PDE1A: variants seen among roughly 807,000 people sequenced by gnomAD.
PDE1A encodes the protein phosphodiesterase 1A.
Under a neutral mutation model 61.7 loss-of-function variants are expected in PDE1A, and 35 were observed. That is an observed-to-expected ratio of 0.57 (90% CI 0.43 to 0.75). The LOEUF (loss-of-function observed/expected upper bound fraction) is 0.75. PDE1A is among the 30% of genes least tolerant of loss of function. PDE1A has a pLI of 0.00. For missense variants in PDE1A, 597 were observed against 630.6 expected, an observed-to-expected ratio of 0.95 and a Z score of 0.57; for synonymous variants, 232 against 213.2, an observed-to-expected ratio of 1.09 and a Z score of -0.77.
At chr2:182,305,989 C>A (rs1026838247) in intron 1 of PDE1A, among the ~76,000 whole-genome samples, 1 of 151,986 alleles carries the variant, frequency 6.6e-6, no homozygotes, top group Non-Finnish European at 1.5e-5. Context: ...AAATTTATTT[C>A]TCTTATTTAA....
At chr2:182,359,796 T>C (rs1449151889) in intron 1 of PDE1A, among the ~76,000 whole-genome samples, 16 of 152,100 alleles carry the variant, frequency 1.1e-4, no homozygotes, top group Non-Finnish European at 2.1e-4. Flanking sequence ...TTCATAAACC[T>C]TCCTGTCTGA....
intron 2 of PDE1A, among the ~76,000 whole-genome samples, chr2:182,503,597 G>A (rs1488906566): frequency 2.6e-5 from 4 of 151,830 alleles, no homozygotes; most frequent in African/African-American, 4.8e-5. Flanking sequence ...GCTTCCCTCC[G>A]CACACCAAGG....
intron 2 of PDE1A, among the ~76,000 whole-genome samples, chr2:182,450,784 A>G (rs542024055): frequency 1.0e-3 from 139 of 135,562 alleles, no homozygotes; most frequent in African/African-American, 3.5e-3. Context: ...AGACACAAAG[A>G]AAAAAAAAAA....
chr2:182,271,491 G>A (rs938608357), intron 1 of PDE1A, among the ~76,000 whole-genome samples: 1 of 152,002 alleles, frequency 6.6e-6, no homozygotes, highest in African/African-American at 2.4e-5. Flanking sequence ...ACTTCAAGAG[G>A]TATTAACTTT....
At chr2:182,531,404 C>T in the PDE1A span, among the ~76,000 whole-genome samples, 2 of 147,268 alleles carry the variant, frequency 1.4e-5, no homozygotes, top group Non-Finnish European at 3.0e-5. Flanking sequence ...CATAATAATA[C>T]TAACCAAATG....
the PDE1A span, among the ~76,000 whole-genome samples, chr2:182,629,179 G>C: frequency 1.3e-5 from 2 of 152,152 alleles, no homozygotes; most frequent in Admixed American, 1.3e-4. Context: ...GCTTGGAAAA[G>C]GATCCTGAGC....
chr2:182,546,813 G>C, the PDE1A span, among the ~76,000 whole-genome samples: 1 of 152,122 alleles, frequency 6.6e-6, no homozygotes, highest in Non-Finnish European at 1.5e-5. Flanking sequence ...GGGTGTTGTA[G>C]AATTGAACTG....
chr2:182,567,474 T>C, the PDE1A span, among the ~76,000 whole-genome samples: 1 of 152,200 alleles, frequency 6.6e-6, no homozygotes, highest in Admixed American at 6.5e-5. Flanking sequence ...TCTTTACTCA[T>C]TTAGACATGA....
intron 1 of PDE1A, among the ~76,000 whole-genome samples, chr2:182,345,980 A>T (rs1336294772): frequency 6.6e-6 from 1 of 152,226 alleles, no homozygotes; most frequent in African/African-American, 2.4e-5. Context: ...AAGTCAAATG[A>T]AGTAACACGA....
chr2:182,690,623 A>T, the PDE1A span, among the ~76,000 whole-genome samples: 487 of 152,338 alleles, frequency 3.2e-3, 1 homozygote, highest in African/African-American at 0.011. Context: ...CTGGCACAAG[A>T]CAGGGATGCC....
the PDE1A span, among the ~76,000 whole-genome samples, chr2:182,615,832 C>G: frequency 6.6e-6 from 1 of 152,078 alleles, no homozygotes; most frequent in Non-Finnish European, 1.5e-5. Flanking sequence ...CAAACTCATC[C>G]TTTTATCAGA....
chr2:182,549,620 T>C, the PDE1A span, among the ~76,000 whole-genome samples: 1 of 152,114 alleles, frequency 6.6e-6, no homozygotes, highest in East Asian at 1.9e-4. Flanking sequence ...AATCATTCAC[T>C]ATAAGTAAAG....
chr2:182,679,636 C>T, the PDE1A span, among the ~76,000 whole-genome samples: 1 of 152,012 alleles, frequency 6.6e-6, no homozygotes, highest in East Asian at 1.9e-4. Context: ...GTAAAATCCT[C>T]CGTGAGAAAA....
chr2:182,394,150 G>A (rs974703777), intron 1 of PDE1A, among the ~76,000 whole-genome samples: 3 of 151,968 alleles, frequency 2.0e-5, no homozygotes, highest in Admixed American at 6.6e-5. Flanking sequence ...CCATTCTCAC[G>A]CTGCTAATAA....
intron 13 of PDE1A, among the ~76,000 whole-genome samples, chr2:182,172,412 T>C (rs1378683325): frequency 2.6e-5 from 4 of 152,050 alleles, no homozygotes; most frequent in African/African-American, 9.7e-5. Flanking sequence ...GTTCTCAACC[T>C]TTTATCAAAA....
chr2:182,370,318 T>C (rs1042741507), intron 1 of PDE1A, among the ~76,000 whole-genome samples: 1 of 152,216 alleles, frequency 6.6e-6, no homozygotes, highest in Non-Finnish European at 1.5e-5. Context: ...ATAGGTCGCA[T>C]GCCTAATGGA....
At chr2:182,644,960 C>T in the PDE1A span, among the ~76,000 whole-genome samples, 1 of 151,244 alleles carries the variant, frequency 6.6e-6, no homozygotes, top group African/African-American at 2.4e-5. Flanking sequence ...ATTTCTGCTT[C>T]CTCAAGCATG....
At chr2:182,206,975 C>T (rs1687158671) in intron 7 of PDE1A, among the ~76,000 whole-genome samples, 1 of 152,172 alleles carries the variant, frequency 6.6e-6, no homozygotes, top group Middle Eastern at 3.2e-3. Flanking sequence ...GTTAATCAAA[C>T]CTCTTTTCTT....
chr2:182,508,776 T>C (rs546640324), intron 2 of PDE1A, among the ~76,000 whole-genome samples: 1 of 149,480 alleles, frequency 6.7e-6, no homozygotes, highest in Admixed American at 6.6e-5. Context: ...AGCTTGTTGA[T>C]TATTTTTATT....
Sources: allele counts gnomAD v4.1 joint callset (sites outside exome capture counted in the v4.1 genomes callset), GRCh38; gene constraint gnomAD v4.1.1; transcripts MANE v1.5; gene names NCBI Gene and HGNC (gene_info 2026-07-23, HGNC 2026-07-21).